The following ANK3 variants were observed in gnomAD, a reference collection of about 807,000 sequenced individuals.
The protein encoded by ANK3 is ankyrin 3, also known as ankyrin-3.
Under a neutral mutation model 370.9 loss-of-function variants are expected in ANK3, and 57 were observed. The ratio of observed to expected loss-of-function variants is 0.15; its 90% confidence interval spans 0.12 to 0.19. ANK3 has a LOEUF of 0.19. Ranked by LOEUF, ANK3 falls within the 10% of genes least tolerant of loss-of-function variation. The pLI, the probability that ANK3 is intolerant of heterozygous loss-of-function variation, is 1.00. For synonymous variants in ANK3, 1,929 were observed against 1,946.3 expected (o/e 0.99, Z 0.23); for missense variants, 4,439 against 5,302.1 (o/e 0.84, Z 5.06).
intron 2 of ANK3, among the ~76,000 whole-genome samples, chr10:60,521,651 C>G (rs2076349870): frequency 6.6e-6 from 1 of 152,042 alleles, no homozygotes; most frequent in South Asian, 2.1e-4. Context: ...ATTAAGCACC[C>G]TAGTCATTTT....
chr10:60,195,701 TA>T (rs2096576037), intron 16 of ANK3, among the ~76,000 whole-genome samples: 1 of 152,130 alleles, frequency 6.6e-6, no homozygotes, highest in Admixed American at 6.5e-5. Context: ...GCCCTAACAA[TA>T]AAGATCCTCC....
chr10:60,717,046 AT>A (rs564984797), intron 1 of ANK3, among the ~76,000 whole-genome samples: 2 of 152,126 alleles, frequency 1.3e-5, no homozygotes, highest in Non-Finnish European at 2.9e-5. Context: ...TCCCTTGAGG[AT>A]TTTTTTATTA....
chr10:60,631,355 C>A (rs761888845), intron 1 of ANK3, among the ~76,000 whole-genome samples: 1 of 151,894 alleles, frequency 6.6e-6, no homozygotes, highest in Non-Finnish European at 1.5e-5. Context: ...AGTAAAACCC[C>A]ATCTCTACTA....
intron 2 of ANK3, among the ~76,000 whole-genome samples, chr10:60,590,647 A>G (rs1156982025): frequency 2.6e-5 from 4 of 152,186 alleles, no homozygotes; most frequent in Admixed American, 2.6e-4. Context: ...GCCTTTCTCA[A>G]AAGTCTTTGT....
intron 1 of ANK3, among the ~76,000 whole-genome samples, chr10:60,719,070 A>C (rs2079828023): frequency 6.6e-6 from 1 of 152,038 alleles, no homozygotes. Context: ...AATTCAGACA[A>C]ATATTGTGAC....
intron 28 of ANK3, among the ~76,000 whole-genome samples, chr10:60,099,922 C>T (rs531093841): frequency 6.6e-6 from 1 of 151,728 alleles, no homozygotes; most frequent in South Asian, 2.1e-4. Flanking sequence ...CCTCAGAGGG[C>T]TAAAAGCTCT....
chr10:60,728,263 C>T (rs563378698), intron 1 of ANK3, among the ~76,000 whole-genome samples: 1 of 152,170 alleles, frequency 6.6e-6, no homozygotes, highest in Non-Finnish European at 1.5e-5. Flanking sequence ...TTCTTCTACA[C>T]CCAAGTCCTT....
chr10:60,684,291 G>A (rs7895664), intron 1 of ANK3, among the ~76,000 whole-genome samples: 50,699 of 152,064 alleles, frequency 0.33, 8,660 homozygotes, highest in African/African-American at 0.37. Context: ...CTGGCGCGTC[G>A]CGCCCACCTG....
At chr10:60,093,505 C>G (rs2089258010) in intron 28 of ANK3, among the ~76,000 whole-genome samples, 1 of 152,162 alleles carries the variant, frequency 6.6e-6, no homozygotes, top group Non-Finnish European at 1.5e-5. Flanking sequence ...GGAACTGAGG[C>G]ATCTTTTGGG....
chr10:60,331,566 C>T (rs1316287904), intron 1 of ANK3, among the ~76,000 whole-genome samples: 2 of 135,836 alleles, frequency 1.5e-5, no homozygotes, highest in Admixed American at 7.7e-5. Context: ...TTAAAACAGC[C>T]TAATTAAAAA....
intron 1 of ANK3, among the ~76,000 whole-genome samples, chr10:60,386,898 G>A (rs1402100189): frequency 6.6e-6 from 1 of 152,154 alleles, no homozygotes; most frequent in Non-Finnish European, 1.5e-5. Context: ...GGTGGCTCAC[G>A]CCTGTAATCC....
At chr10:60,592,202 C>T (rs919627233) in intron 2 of ANK3, among the ~76,000 whole-genome samples, 1 of 151,912 alleles carries the variant, frequency 6.6e-6, no homozygotes, top group Admixed American at 6.6e-5. Context: ...AATATATACA[C>T]CTATTATGTA....
At chr10:60,542,284 G>A (rs943900071) in intron 2 of ANK3, among the ~76,000 whole-genome samples, 2 of 151,820 alleles carry the variant, frequency 1.3e-5, no homozygotes, top group African/African-American at 4.8e-5. Context: ...TTGAGACTGA[G>A]ATGCTGTATT....
chr10:60,593,989 T>A (rs1318763691), intron 2 of ANK3, among the ~76,000 whole-genome samples: 1 of 152,228 alleles, frequency 6.6e-6, no homozygotes, highest in Non-Finnish European at 1.5e-5. Flanking sequence ...ATAAGTCACA[T>A]GTTTACGTAG....
chr10:60,573,410 G>A (rs1290399216), intron 2 of ANK3, among the ~76,000 whole-genome samples: 2 of 151,998 alleles, frequency 1.3e-5, no homozygotes, highest in Non-Finnish European at 2.9e-5. Flanking sequence ...AGAATATTCA[G>A]GAAATACTAA....
chr10:60,561,805 T>C (rs2077341601), intron 2 of ANK3, among the ~76,000 whole-genome samples: 1 of 152,124 alleles, frequency 6.6e-6, no homozygotes, highest in Non-Finnish European at 1.5e-5. Context: ...GTCCCTGTGG[T>C]GACTGAGCAC....
intron 1 of ANK3, among the ~76,000 whole-genome samples, chr10:60,374,998 A>T (rs921164474): frequency 1.3e-5 from 2 of 152,002 alleles, no homozygotes; most frequent in African/African-American, 4.8e-5. Flanking sequence ...GAAGAGAAAC[A>T]AAAGAAAGAG....
chr10:60,469,051 A>C (rs1219468791), intron 2 of ANK3, among the ~76,000 whole-genome samples: 1 of 79,098 alleles, frequency 1.3e-5, no homozygotes, highest in African/African-American at 4.8e-5. Context: ...ATATATATAT[A>C]TATACCACTT....
chr10:60,321,380 G>GA (rs2048611217), intron 1 of ANK3, among the ~76,000 whole-genome samples: 1 of 74,966 alleles, frequency 1.3e-5, no homozygotes, highest in Admixed American at 1.2e-4. Flanking sequence ...GGAAAAGAAA[G>GA]AAAAAAGAAA....
Sources: gnomAD v4.1 joint callset for allele counts (sites outside exome capture counted in the v4.1 genomes callset) on GRCh38, gnomAD v4.1.1 for gene constraint, MANE v1.5 for transcripts, NCBI Gene and HGNC (gene_info 2026-07-23, HGNC 2026-07-21) for gene names.